The following EPG5 variants were observed in gnomAD, a reference collection of about 807,000 sequenced individuals.
EPG5 encodes the protein ectopic P-granules 5 autophagy tethering factor.
EPG5 carries 159 observed loss-of-function variants against 302.7 expected under a neutral mutation model. The ratio of observed to expected loss-of-function variants is 0.53; its 90% CI spans 0.46 to 0.60. The LOEUF is 0.60. Among genes scored for constraint, EPG5 ranks in the 20% least tolerant of loss-of-function variants. The pLI is 0.00. For synonymous variants in EPG5, 1,158 were observed against 1,136.8 expected, an observed-to-expected ratio of 1.02 and a Z score of -0.37; for missense variants, 2,896 against 3,092.4, an observed-to-expected ratio of 0.94 and a Z score of 1.51.
intron 1 of EPG5, among the ~76,000 whole-genome samples, chr18:45,956,467 T>A (rs1325442326): frequency 6.6e-6 from 1 of 152,056 alleles, no homozygotes; most frequent in Non-Finnish European, 1.5e-5. Context: ...ATTTATTTTT[T>A]TTTTTTTGAG....
In EPG5 at chr18:45,946,667, TCTC is replaced by T. The variant is rs2050789030; in HGVS notation, c.1670_1672del (p.Gly557del). On this transcript the variant is annotated inframe_deletion, in exon 7 of 44. Coordinates refer to ENST00000282041, the MANE Select transcript of EPG5 (RefSeq NM_020964.3). ...AATGCAGATATGACAAGTTACCTCT[TCTC>T]CTCCTTCGTCTACTAGCGTCCAAGT... is the stretch of plus-strand genomic sequence containing the variant. The T allele has an allele frequency of 1.1e-5, 17 of 1,612,470 alleles. No homozygotes were observed. Among genetic ancestry groups the T allele is most frequent in the Non-Finnish European group, 1.3e-5 (15 of 1,178,690 alleles).
Position 45,851,718 on chromosome 18 carries a change from GC to G in EPG5, c.*748del, listed in dbSNP as rs1196111657. On this transcript the variant is annotated 3_prime_UTR_variant, in exon 44 of 44. Coordinates refer to ENST00000282041, the MANE Select transcript of EPG5 (RefSeq NM_020964.3). ...AGACTCTCCCGACTAGAGAGAGGCAGCCCTGTCTGCACTCCTCACCAAGTGG... is the reference window on the plus strand; with the variant it reads ...AGACTCTCCCGACTAGAGAGAGGCAGCCTGTCTGCACTCCTCACCAAGTGG... The G allele has an allele frequency of 3.9e-5, 6 of 152,374 alleles. No homozygotes were observed. The highest frequency in any genetic ancestry group is 1.4e-4 in the African/African-American group (6 of 41,570). 9.4% of individuals were successfully genotyped at this position (152,374 alleles called of 1,614,324 possible).
At chr18:45,896,491 T>C (rs2049479077) in intron 27 of EPG5, among the ~76,000 whole-genome samples, 1 of 152,132 alleles carries the variant, frequency 6.6e-6, no homozygotes, top group African/African-American at 2.4e-5. Context: ...TTTTTCCCTC[T>C]CTCCTTCATT....
At chr18:45,825,403 T>C in the EPG5 span, 1 of 445,506 alleles carries the variant, frequency 2.2e-6, no homozygotes, top group African/African-American at 2.0e-5. Flanking sequence ...AAGACAACAG[T>C]TTTCTGTGAG....
chr18:45,937,161 C>T (rs980217464), intron 10 of EPG5, among the ~76,000 whole-genome samples: 6 of 151,298 alleles, frequency 4.0e-5, no homozygotes, highest in Admixed American at 3.3e-4. Flanking sequence ...ATATCACAAA[C>T]AGGGTGTATT....
rs376802980 is a variant in EPG5, at chr18:45,860,155, G to A, written c.6958C>T (p.Arg2320Cys). The part of the protein sequence containing the change: ...TAACQSLASV[R>C]HMAETTEACI... ...GCTTCTGTAGTCTCAGCCATGTGGC[G>A]GACGGACGCCAGGCTCTGGCAGGCT... The change falls in exon 40 of 44, where the codon CGC (arginine) becomes TGC (cysteine). Residue 2320 changes from arginine to cysteine, a missense_variant. Coordinates refer to ENST00000282041, the MANE Select transcript of EPG5 (RefSeq NM_020964.3). 1.1e-5 allele frequency: 18 copies of A among 1,614,128 alleles called. No individual in the cohort carries two copies. Among genetic ancestry groups the A allele is most frequent in the African/African-American group, 9.3e-5 (7 of 74,948 alleles).
chr18:45,928,213 CAA>C (rs35390875), intron 13 of EPG5, among the ~76,000 whole-genome samples: 8 of 130,614 alleles, frequency 6.1e-5, no homozygotes, highest in Admixed American at 7.5e-5. Context: ...AACTCCATCT[CAA>C]AAAAAAAAAA....
chr18:45,828,167 C>A, the EPG5 span, among the ~76,000 whole-genome samples: 1 of 152,218 alleles, frequency 6.6e-6, no homozygotes, highest in Non-Finnish European at 1.5e-5. Flanking sequence ...CGTGTGTGCA[C>A]CAGAGGCTCT....
chr18:45,954,629 T>C lies in EPG5; in HGVS notation c.773A>G (p.Glu258Gly). The C allele has an allele frequency of 6.2e-7, 1 of 1,614,266 alleles. No homozygotes were observed. Among genetic ancestry groups the C allele is most frequent in the Non-Finnish European group, 8.5e-7 (1 of 1,180,042 alleles). Reference protein sequence around the residue: ...SQLELVPFTKEQLKILEPGSW... With the variant: ...SQLELVPFTKGQLKILEPGSW... ...ACCAGGCTCCAAGATTTTTAGCTGTTCTTTAGTAAATGGTACTAGTTCCAG... is the reference window on the plus strand; with the variant it reads ...ACCAGGCTCCAAGATTTTTAGCTGTCCTTTAGTAAATGGTACTAGTTCCAG... Residue 258 changes from glutamate to glycine, a missense_variant, in exon 2 of 44, where the codon GAA becomes GGA. Physicochemically the swap from Glu to Gly is moderately conservative, Grantham distance 98. This residue lies in a region of EPG5 where 1,390 missense variants were observed against 1,430.0 expected (regional missense o/e 0.97). Transcript: ENST00000282041.
At chr18:45,935,530 G>A (rs1287776654) in intron 10 of EPG5, among the ~76,000 whole-genome samples, 2 of 152,134 alleles carry the variant, frequency 1.3e-5, no homozygotes, top group Non-Finnish European at 2.9e-5. Context: ...CAACACGAGT[G>A]AAACTCCAAC....
chr18:45,838,755 T>G, the EPG5 span: 5 of 1,582,540 alleles, frequency 3.2e-6, no homozygotes, highest in South Asian at 4.5e-5. Flanking sequence ...TGCTGCCCAG[T>G]CCGGCTCACG....
chr18:45,821,159 T>C, the EPG5 span, among the ~76,000 whole-genome samples: 8 of 152,250 alleles, frequency 5.3e-5, no homozygotes, highest in African/African-American at 1.9e-4. Context: ...AGCGGTTTTC[T>C]TGTTGATGAC....
At chr18:45,920,543 C>T (rs918933546) in intron 16 of EPG5, among the ~76,000 whole-genome samples, 1 of 152,224 alleles carries the variant, frequency 6.6e-6, no homozygotes, top group African/African-American at 2.4e-5. Context: ...GTGAGAGCCT[C>T]AGGCTGCGTC....
intron 23 of EPG5, among the ~76,000 whole-genome samples, 199 bp downstream of exon 23, chr18:45,910,322 T>A (rs956694053): frequency 1.3e-5 from 2 of 152,162 alleles, no homozygotes; most frequent in Non-Finnish European, 2.9e-5. Context: ...CACAAGTACA[T>A]CCAAACTGTT....
rs373107080 is a variant in EPG5, at chr18:45,927,291, G to A, written c.2554-1389C>T. On this transcript the variant is annotated intron_variant, in intron 13 of 43. Transcript: ENST00000282041. ...CCTGACCTCGTGATCCACCCGCCTC[G>A]GCCTCCCGAAGTGCTGGGATTACAG... 4.5e-3 allele frequency among the ~76,000 whole-genome samples: 686 copies of A among 152,092 alleles called. 2 individuals are homozygous for A. The highest frequency in any genetic ancestry group is 6.7e-3 in the Non-Finnish European group (457 of 67,972).
chr18:45,921,818 G>A (rs185162154), intron 16 of EPG5, among the ~76,000 whole-genome samples: 1 of 152,066 alleles, frequency 6.6e-6, no homozygotes, highest in African/African-American at 2.4e-5. Context: ...GTCATGGGGT[G>A]GGGGGCTGGG....
chr18:45,919,673 C>T (rs1399895251), intron 16 of EPG5, among the ~76,000 whole-genome samples: 3 of 151,950 alleles, frequency 2.0e-5, no homozygotes, highest in African/African-American at 7.3e-5. Flanking sequence ...CCACCACGCC[C>T]GGCTAATTTT....
At chr18:45,914,451 G>T (rs8088080) in intron 20 of EPG5, among the ~76,000 whole-genome samples, 27,180 of 152,170 alleles carry the variant, frequency 0.18, 2,723 homozygotes, top group Admixed American at 0.3. Context: ...TTTAAGAGAT[G>T]AAACAGACAT....
At chr18:45,939,974 AG>A (rs991060667) in intron 9 of EPG5, among the ~76,000 whole-genome samples, 17 of 152,170 alleles carry the variant, frequency 1.1e-4, no homozygotes, top group Admixed American at 1.3e-4. Context: ...AATAAAATAA[AG>A]TCATATACAG....
Sources: allele counts gnomAD v4.1 joint callset (sites outside exome capture counted in the v4.1 genomes callset), GRCh38; gene constraint gnomAD v4.1.1; regional missense constraint gnomAD v4.1.1; transcripts MANE v1.5; gene names NCBI Gene and HGNC (gene_info 2026-07-23, HGNC 2026-07-21).